Variants in UBQLN1 observed in about 807,000 individuals in gnomAD.
The protein encoded by UBQLN1 is ubiquilin-1.
A neutral mutation model predicts 65.4 loss-of-function variants in UBQLN1; 13 were observed. The observed-to-expected ratio is 0.20, with a 90% CI of 0.13 to 0.32. The LOEUF (loss-of-function observed/expected upper bound fraction) is 0.32, where lower values mean the gene tolerates loss of function less well. UBQLN1 is among the 10% of genes least tolerant of loss of function. The probability of loss-of-function intolerance (pLI) is 1.00; values close to 1 mark genes in which losing one functional copy is unlikely to be tolerated. For missense variants in UBQLN1, 561 were observed against 724.0 expected, an observed-to-expected ratio of 0.77 and a Z score of 2.58; for synonymous variants, 267 against 247.8, an observed-to-expected ratio of 1.08 and a Z score of -0.73.
In UBQLN1 at chr9:83,669,227, G is replaced by A; in HGVS notation, c.1206C>T (p.Ser402=). Residue 402 remains serine, a synonymous_variant, in exon 7 of 11, where the codon AGC becomes AGT. Coordinates refer to ENST00000376395, the MANE Select transcript of UBQLN1 (RefSeq NM_013438.5). ...GATTCTGGCTTAGTGACTGCATCAT[G>A]CTTCTCATGTAGGGGGCAGACAACA... ...QNMLSAPYMR[S]MMQSLSQNPD... 2 of 1,612,030 alleles carry A rather than the reference G, an allele frequency of 1.2e-6. No individual in the cohort carries two copies. The highest frequency in any genetic ancestry group is 1.7e-6 in the Non-Finnish European group (2 of 1,179,660).
At chr9:83,674,385 A>G (rs1203164689) in intron 6 of UBQLN1, among the ~76,000 whole-genome samples, 3 of 152,000 alleles carry the variant, frequency 2.0e-5, no homozygotes, top group Admixed American at 1.3e-4. Context: ...TCATCACAAT[A>G]CTCCCCACTC....
At chr9:83,684,057 T>C (rs1236236175) in intron 2 of UBQLN1, among the ~76,000 whole-genome samples, 1 of 152,012 alleles carries the variant, frequency 6.6e-6, no homozygotes, top group East Asian at 1.9e-4. Flanking sequence ...CCCACAACTT[T>C]TTTATCTATC....
At chr9:83,674,238 G>A (rs961774289) in intron 6 of UBQLN1, among the ~76,000 whole-genome samples, 2 of 146,896 alleles carry the variant, frequency 1.4e-5, no homozygotes, top group African/African-American at 2.6e-5. Context: ...AAGAAAAAAG[G>A]AAGAAGGAGA....
chr9:83,697,375 A>ACC (rs2131183566), intron 1 of UBQLN1, among the ~76,000 whole-genome samples: 1 of 150,092 alleles, frequency 6.7e-6, no homozygotes, highest in Non-Finnish European at 1.5e-5. Context: ...ACATAATGAA[A>ACC]CCCCGTCTCT....
chr9:83,669,337 T>G lies in UBQLN1; in HGVS notation c.1106-10A>C. 1 of 1,574,868 alleles carries G rather than the reference T, an allele frequency of 6.3e-7. No homozygotes were observed. The highest frequency in any genetic ancestry group is 8.6e-7 in the Non-Finnish European group (1 of 1,169,092). On this transcript the variant is annotated splice_polypyrimidine_tract_variant and intron_variant, in intron 6 of 10. Coordinates refer to ENST00000376395, the MANE Select transcript of UBQLN1 (RefSeq NM_013438.5). The stretch of plus-strand genomic sequence containing the variant: ...GTGTTGAACATACTAGCTGAAAGTT[T>G]GTTTTTAAAAAAGACATATTAAGGA...
At chr9:83,697,251 T>C (rs1201551596) in intron 1 of UBQLN1, among the ~76,000 whole-genome samples, 1 of 151,456 alleles carries the variant, frequency 6.6e-6, no homozygotes, top group Non-Finnish European at 1.5e-5. Context: ...TCTGGTTTTT[T>C]TTTTTTTTTT....
intron 1 of UBQLN1, among the ~76,000 whole-genome samples, chr9:83,697,128 T>C (rs895635864): frequency 6.6e-6 from 1 of 152,048 alleles, no homozygotes; most frequent in African/African-American, 2.4e-5. Context: ...TCAAGGCAGT[T>C]TGGGGCAGTG....
intron 10 of UBQLN1, 121 bp from the exon 11 acceptor site, chr9:83,662,060 A>G (rs1169860472): frequency 1.2e-6 from 1 of 808,226 alleles, no homozygotes; most frequent in Non-Finnish European, 1.9e-6. Context: ...CTTTAAAAAC[A>G]CTGCCCACCT....
At chr9:83,682,529 A>G (rs1831959829) in intron 3 of UBQLN1, among the ~76,000 whole-genome samples, 1 of 152,060 alleles carries the variant, frequency 6.6e-6, no homozygotes. Flanking sequence ...AAGAAAAACA[A>G]AAGCAGTTTT....
chr9:83,690,101 C>G (rs577911497), intron 1 of UBQLN1, among the ~76,000 whole-genome samples: 1 of 152,214 alleles, frequency 6.6e-6, no homozygotes, highest in East Asian at 1.9e-4. Context: ...CCCTATGACC[C>G]AACAATTCCA....
intron 1 of UBQLN1, among the ~76,000 whole-genome samples, chr9:83,691,404 A>G (rs748839705): frequency 2.0e-5 from 3 of 152,156 alleles, no homozygotes; most frequent in Admixed American, 6.6e-5. Context: ...TAATCTCAAA[A>G]TCTAATAGAA....
At chr9:83,663,609 A>C (rs1278130798) in intron 10 of UBQLN1, among the ~76,000 whole-genome samples, 6 of 152,214 alleles carry the variant, frequency 3.9e-5, no homozygotes, top group Non-Finnish European at 7.3e-5. Context: ...ATGCATTTTT[A>C]AAGGCAATTT....
At chr9:83,679,635 T>C in intron 4 of UBQLN1, 140 bp downstream of exon 4, 2 of 866,212 alleles carry the variant, frequency 2.3e-6, no homozygotes, top group Middle Eastern at 7.4e-4. Flanking sequence ...ATTAGCGCTT[T>C]GTTGAGTTTT....
At chr9:83,697,850 C>G (rs1470299427) in intron 1 of UBQLN1, among the ~76,000 whole-genome samples, 1 of 151,772 alleles carries the variant, frequency 6.6e-6, no homozygotes, top group East Asian at 2.0e-4. Context: ...ATTCTCCCGC[C>G]TCAGCCTTCC....
chr9:83,679,720 A>G, intron 4 of UBQLN1, 55 bp downstream of exon 4: 3 of 1,566,082 alleles, frequency 1.9e-6, no homozygotes, highest in East Asian at 4.5e-5. Flanking sequence ...ACAGAAAATT[A>G]AATAACAAAT....
chr9:83,688,125 C>A (rs966516755), intron 1 of UBQLN1, among the ~76,000 whole-genome samples: 1 of 152,166 alleles, frequency 6.6e-6, no homozygotes, highest in African/African-American at 2.4e-5. Flanking sequence ...TGGCAGAACA[C>A]ATGGTTTGTA....
At chr9:83,683,579 T>C (rs1208418276) in intron 2 of UBQLN1, among the ~76,000 whole-genome samples, 1 of 152,124 alleles carries the variant, frequency 6.6e-6, no homozygotes, top group Non-Finnish European at 1.5e-5. Context: ...ATACAAAATA[T>C]GCTGCAATTG....
intron 1 of UBQLN1, among the ~76,000 whole-genome samples, chr9:83,688,501 A>C (rs2131172547): frequency 6.6e-6 from 1 of 152,280 alleles, no homozygotes; most frequent in Non-Finnish European, 1.5e-5. Context: ...TAAGTGACTT[A>C]ATTACTGAAC....
chr9:83,661,763 T>C lies in UBQLN1; in HGVS notation c.*24A>G, dbSNP rs1302951261. 6.4e-7 allele frequency: 1 copy of C among 1,568,978 alleles called. No homozygotes were observed. Among genetic ancestry groups the C allele is most frequent in the African/African-American group, 1.4e-5 (1 of 72,554 alleles). On this transcript the variant is annotated 3_prime_UTR_variant, in exon 11 of 11. Coordinates refer to ENST00000376395, the MANE Select transcript of UBQLN1 (RefSeq NM_013438.5). Reference sequence around the variant, plus strand: ...GAGCCGTTATCAAAAATAAATTACATTTTTTCAAGATACAGAAATGCTGCT... The same window carrying C: ...GAGCCGTTATCAAAAATAAATTACACTTTTTCAAGATACAGAAATGCTGCT...
Sources: allele counts gnomAD v4.1 joint callset (sites outside exome capture counted in the v4.1 genomes callset), GRCh38; gene constraint gnomAD v4.1.1; transcripts MANE v1.5; gene names NCBI Gene and HGNC (gene_info 2026-07-23, HGNC 2026-07-21).